The following ITGBL1 variants were observed in gnomAD, a reference collection of about 807,000 sequenced individuals.
ITGBL1 encodes the protein integrin beta-like protein 1.
A neutral mutation model predicts 68.5 loss-of-function variants in ITGBL1; 51 were observed. The ratio of observed to expected loss-of-function variants is 0.74; its 90% confidence interval spans 0.59 to 0.94. The LOEUF is 0.94. Among genes scored for constraint, ITGBL1 ranks in the 40% least tolerant of loss-of-function variants. ITGBL1 has a pLI of 0.00. For missense variants in ITGBL1, 649 were observed against 647.4 expected (o/e 1.00, Z -0.03); for synonymous variants, 209 against 227.3 (o/e 0.92, Z 0.72).
intron 2 of ITGBL1, among the ~76,000 whole-genome samples, chr13:101,539,181 T>A (rs1470280334): frequency 2.7e-5 from 4 of 150,098 alleles, no homozygotes; most frequent in Non-Finnish European, 5.9e-5. Context: ...TAGGTATATC[T>A]CCTGATGCTA....
intron 2 of ITGBL1, among the ~76,000 whole-genome samples, chr13:101,484,922 G>A (rs949206547): frequency 1.2e-4 from 18 of 152,116 alleles, no homozygotes; most frequent in Admixed American, 7.2e-4. Context: ...ACTACACTGA[G>A]GCATGTCAAA....
chr13:101,472,403 CA>C (rs1325413588), intron 2 of ITGBL1, among the ~76,000 whole-genome samples: 1 of 152,094 alleles, frequency 6.6e-6, no homozygotes, highest in African/African-American at 2.4e-5. Flanking sequence ...TGTTTTGTTA[CA>C]TTACTTTAAT....
chr13:101,704,470 A>C (rs1311497651), intron 8 of ITGBL1, among the ~76,000 whole-genome samples: 1 of 124,944 alleles, frequency 8.0e-6, no homozygotes, highest in Non-Finnish European at 1.6e-5. Context: ...GAATACCTGC[A>C]CTTATTCATT....
At chr13:101,571,686 A>T (rs1483879288) in intron 3 of ITGBL1, among the ~76,000 whole-genome samples, 2 of 152,096 alleles carry the variant, frequency 1.3e-5, no homozygotes, top group African/African-American at 4.8e-5. Context: ...TTTTGTGTAA[A>T]GATAAATAGA....
At chr13:101,513,968 G>A (rs4497519) in intron 2 of ITGBL1, among the ~76,000 whole-genome samples, 32,450 of 151,884 alleles carry the variant, frequency 0.21, 3,757 homozygotes, top group East Asian at 0.44. Flanking sequence ...TATAGTGTTT[G>A]TTTATTCAAT....
chr13:101,460,217 A>G (rs2048299698), intron 2 of ITGBL1, among the ~76,000 whole-genome samples: 3 of 151,936 alleles, frequency 2.0e-5, no homozygotes, highest in Non-Finnish European at 4.4e-5. Context: ...TAGCCCTTCC[A>G]TGTCTCTGAG....
intron 10 of ITGBL1, 130 bp downstream of exon 10, chr13:101,714,681 C>A: frequency 1.6e-6 from 1 of 639,292 alleles, no homozygotes; most frequent in South Asian, 1.9e-5. Flanking sequence ...CTACCAAAGG[C>A]GAAGTGGGCA....
chr13:101,598,259 G>C lies in ITGBL1; in HGVS notation c.975G>C (p.Arg325Ser), dbSNP rs1413196314. 3 of 1,613,402 alleles carry C rather than the reference G, an allele frequency of 1.9e-6. No homozygotes were observed. The highest frequency in any genetic ancestry group is 2.5e-6 in the Non-Finnish European group (3 of 1,179,812). ...SCTLSAEESIRKCQGSSDLPC... is the reference protein window; with the variant it reads ...SCTLSAEESISKCQGSSDLPC... ...CGCTGTCAGCTGAGGAGAGCATCAGGAAGTGCCAGGGAAGCTCGGATCTGC... is the reference window on the plus strand; with the variant it reads ...CGCTGTCAGCTGAGGAGAGCATCAGCAAGTGCCAGGGAAGCTCGGATCTGC... Residue 325 changes from arginine (R) to serine (S), a missense_variant, in exon 7 of 11, where the codon AGG (arginine) becomes AGC (serine). Arg to Ser is a moderately radical substitution (Grantham distance 110). Coordinates refer to ENST00000376180, the MANE Select transcript of ITGBL1 (RefSeq NM_004791.3).
In ITGBL1 at chr13:101,547,878, A is replaced by G. The variant is rs567685484; in HGVS notation, c.317-19821A>G. ...TGAAAAAGAAAAATTGCTTTCTTAC[A>G]TTAAATATGTGTATATATCTCTGTG... On this transcript the variant is annotated intron_variant, in intron 2 of 10. Coordinates refer to ENST00000376180, the MANE Select transcript of ITGBL1 (RefSeq NM_004791.3). Among the ~76,000 whole-genome samples, 196 of 151,478 alleles carry G rather than the reference A, an allele frequency of 1.3e-3. 2 individuals carry two copies. The highest frequency in any genetic ancestry group is 4.6e-3 in the African/African-American group (191 of 41,336).
At chr13:101,650,601 C>T (rs939513478) in intron 7 of ITGBL1, among the ~76,000 whole-genome samples, 6 of 151,112 alleles carry the variant, frequency 4.0e-5, no homozygotes, top group Non-Finnish European at 8.8e-5. Flanking sequence ...ATCTGCTGGC[C>T]AGGTGACTTC....
chr13:101,710,274 A>T (rs1462345643), intron 9 of ITGBL1, among the ~76,000 whole-genome samples: 1 of 152,174 alleles, frequency 6.6e-6, no homozygotes, highest in Non-Finnish European at 1.5e-5. Context: ...CGGCCTCCGG[A>T]CTGTTGGCAG....
At chr13:101,550,622 C>T (rs1260888144) in intron 2 of ITGBL1, among the ~76,000 whole-genome samples, 2 of 152,084 alleles carry the variant, frequency 1.3e-5, no homozygotes, top group Non-Finnish European at 2.9e-5. Context: ...AATCCCAGTC[C>T]CCTTTCACAG....
rs569819666 is a variant in ITGBL1, at chr13:101,680,471, A to G, written c.1016-12114A>G. Among the ~76,000 whole-genome samples the G allele has an allele frequency of 1.7e-3, 257 of 152,032 alleles. 1 individual carries two copies. Among genetic ancestry groups the G allele is most frequent in the Admixed American group, 2.9e-3 (44 of 15,272 alleles). ...AGAGTGTGCCTACTGTTACCACACC[A>G]GCAGGTGCATTTGATGATACAGTGC... On this transcript the variant is annotated intron_variant, in intron 7 of 10. Transcript: ENST00000376180.
chr13:101,679,098 C>T (rs1002953873), intron 7 of ITGBL1, among the ~76,000 whole-genome samples: 1 of 150,544 alleles, frequency 6.6e-6, no homozygotes, highest in Non-Finnish European at 1.5e-5. Context: ...AGTAGACATG[C>T]GGTTTCACCA....
intron 7 of ITGBL1, among the ~76,000 whole-genome samples, chr13:101,682,604 T>C (rs547207705): frequency 6.6e-6 from 1 of 152,198 alleles, no homozygotes; most frequent in South Asian, 2.1e-4. Context: ...ATGATCAATA[T>C]ATATTACTTC....
At chr13:101,621,156 A>T (rs2031566290) in intron 7 of ITGBL1, among the ~76,000 whole-genome samples, 1 of 152,164 alleles carries the variant, frequency 6.6e-6, no homozygotes, top group African/African-American at 2.4e-5. Flanking sequence ...CTAATATCAT[A>T]CACGTTCTTC....
In ITGBL1 at chr13:101,634,941, G is replaced by GGTGTGTGTGT. The variant is rs59309809; in HGVS notation, c.1015+36663_1015+36672dup. Among the ~76,000 whole-genome samples, 190 of 145,894 alleles carry GGTGTGTGTGT rather than the reference G, an allele frequency of 1.3e-3. 2 individuals carry two copies. The highest frequency in any genetic ancestry group is 4.8e-3 in the East Asian group (24 of 5,006). On this transcript the variant is annotated intron_variant, in intron 7 of 10. Coordinates refer to ENST00000376180, the MANE Select transcript of ITGBL1 (RefSeq NM_004791.3). The stretch of plus-strand genomic sequence containing the variant: ...AGATATACTTTCAATATAAGCAAAA[G>GGTGTGTGTGT]GTGTGTGTGTGTGTGTGTGTGTGTG...
intron 7 of ITGBL1, among the ~76,000 whole-genome samples, chr13:101,655,328 G>A (rs1022160261): frequency 3.1e-4 from 47 of 152,178 alleles, no homozygotes; most frequent in African/African-American, 1.0e-3. Context: ...ATTGCAAAAA[G>A]CAGTTGCCAG....
chr13:101,625,979 A>G (rs2031761431), intron 7 of ITGBL1, among the ~76,000 whole-genome samples: 1 of 152,200 alleles, frequency 6.6e-6, no homozygotes. Context: ...TTACCCAGGG[A>G]GAAAGGAGAA....
Sources: allele counts gnomAD v4.1 joint callset (sites outside exome capture counted in the v4.1 genomes callset), GRCh38; gene constraint gnomAD v4.1.1; transcripts MANE v1.5; gene names NCBI Gene and HGNC (gene_info 2026-07-23, HGNC 2026-07-21).